Variants in TAF15 observed in about 807,000 individuals in gnomAD.
The protein encoded by TAF15 is TATA-box binding protein associated factor 15.
Under a neutral mutation model 102.5 loss-of-function variants are expected in TAF15, and 37 were observed. The ratio of observed to expected loss-of-function variants is 0.36; its 90% confidence interval spans 0.28 to 0.47. The LOEUF is 0.47. Ranked by LOEUF, TAF15 falls within the 20% of genes least tolerant of loss-of-function variation. The pLI is 0.99. For synonymous variants in TAF15, 273 were observed against 259.2 expected (o/e 1.05, Z -0.51); for missense variants, 652 against 760.7 (o/e 0.86, Z 1.68).
At chr17:35,828,095 C>T (rs2087352884) in intron 7 of TAF15, among the ~76,000 whole-genome samples, 1 of 152,112 alleles carries the variant, frequency 6.6e-6, no homozygotes, top group Non-Finnish European at 1.5e-5. Context: ...ATTAGTATGC[C>T]ATCAAATTTA....
intron 7 of TAF15, 118 bp from the exon 8 acceptor site, chr17:35,833,789 A>G: frequency 1.1e-6 from 1 of 935,540 alleles, no homozygotes. Context: ...CTGAAAACTT[A>G]GAGGTGCTAC....
At chr17:35,841,866 T>TA (rs1428482813) in intron 11 of TAF15, among the ~76,000 whole-genome samples, 51 of 152,220 alleles carry the variant, frequency 3.4e-4, no homozygotes, top group African/African-American at 1.2e-3. Context: ...CCTAGCTAAT[T>TA]AAAAAAATTT....
At chr17:35,810,254 G>T (rs1486368067) in intron 1 of TAF15, 1 of 157,556 alleles carries the variant, frequency 6.3e-6, no homozygotes, top group Non-Finnish European at 1.4e-5. Flanking sequence ...GTTTGAAAGT[G>T]AGCCTTGTCT....
chr17:35,839,834 G>A (rs1393859236), intron 11 of TAF15, among the ~76,000 whole-genome samples: 1 of 151,756 alleles, frequency 6.6e-6, no homozygotes. Context: ...TTTGTCTTAC[G>A]GTATTTTTCA....
intron 9 of TAF15, 99 bp downstream of exon 9, chr17:35,834,697 A>G (rs1173131579): frequency 1.8e-6 from 2 of 1,098,528 alleles, no homozygotes; most frequent in Non-Finnish European, 2.7e-6. Context: ...TACAGGAGGA[A>G]GATTTAATTT....
chr17:35,838,267 T>C (rs558342995), intron 10 of TAF15, among the ~76,000 whole-genome samples, 157 bp from the exon 11 acceptor site: 4 of 152,262 alleles, frequency 2.6e-5, no homozygotes, highest in African/African-American at 7.2e-5. Flanking sequence ...TAGAGAGTTA[T>C]GCTTGTCTAA....
chr17:35,836,470 T>C (rs2087476403), intron 10 of TAF15, among the ~76,000 whole-genome samples: 1 of 152,334 alleles, frequency 6.6e-6, no homozygotes, highest in African/African-American at 2.4e-5. Flanking sequence ...GCTTCCATCT[T>C]AGGACTCTAA....
intron 1 of TAF15, chr17:35,809,960 C>T (rs1598511733): frequency 2.6e-6 from 1 of 377,766 alleles, no homozygotes; most frequent in African/African-American, 2.1e-5. Context: ...CGCTCCGCCT[C>T]GGATCTTTCA....
In TAF15 at chr17:35,845,419, C is replaced by G. The variant is rs542446282; in HGVS notation, c.1739+381C>G. ...ATAGGTGTGTGCCACCACACCTCGC[C>G]AATTTTTTTTATTTTCTGTAGAGAC... On this transcript the variant is annotated intron_variant, in intron 15 of 15. Coordinates refer to ENST00000605844, the MANE Select transcript of TAF15 (RefSeq NM_139215.3). 2.6e-5 allele frequency among the ~76,000 whole-genome samples: 4 copies of G among 152,046 alleles called. No homozygotes were observed. The South Asian group carries it at 8.3e-4, about 32-fold the overall frequency.
At chr17:35,826,408 C>G (rs1206334965) in intron 7 of TAF15, among the ~76,000 whole-genome samples, 1 of 152,084 alleles carries the variant, frequency 6.6e-6, no homozygotes, top group Non-Finnish European at 1.5e-5. Flanking sequence ...AGTAAATGTT[C>G]TGGGTTTGGT....
intron 11 of TAF15, 51 bp from the exon 12 acceptor site, chr17:35,842,316 A>AG (rs1278070412): frequency 5.8e-6 from 8 of 1,369,734 alleles, no homozygotes; most frequent in Non-Finnish European, 7.3e-6. Context: ...TTTTGTTGAC[A>AG]GGTGGAGGTA....
At chr17:35,845,126 C>T (rs1242671875) in intron 15 of TAF15, 88 bp downstream of exon 15, 13 of 1,524,272 alleles carry the variant, frequency 8.5e-6, no homozygotes, top group African/African-American at 1.4e-5. Context: ...TTTTTTGGAA[C>T]TTGAATTTCC....
intron 1 of TAF15, among the ~76,000 whole-genome samples, chr17:35,813,867 G>A (rs1002269761): frequency 6.6e-6 from 1 of 152,100 alleles, no homozygotes; most frequent in Non-Finnish European, 1.5e-5. Flanking sequence ...GAGAAAATAG[G>A]AAGCAGTGGT....
chr17:35,844,682 C>CGGCTATGGTGGAGACAGAAGTGGGGGT lies in TAF15; in HGVS notation c.1394_1395insAGACAGAAGTGGGGGTGGCTATGGTGG (p.Arg467_Gly468insSerGlyGlyGlyTyrGlyGlyAspArg). On this transcript the variant is annotated inframe_insertion, in exon 15 of 16. Transcript: ENST00000605844. ...GTGGCTATGGTGGGGACAGAGGCGGCGGCTATGGTGGGGACAGAGGAGGCG... is the reference window on the plus strand; with the variant it reads ...GTGGCTATGGTGGGGACAGAGGCGGCGGCTATGGTGGAGACAGAAGTGGGGGTGGCTATGGTGGGGACAGAGGAGGCG... The CGGCTATGGTGGAGACAGAAGTGGGGGT allele has an allele frequency of 6.3e-7, 1 of 1,594,782 alleles. No homozygotes were observed. Among genetic ancestry groups the CGGCTATGGTGGAGACAGAAGTGGGGGT allele is most frequent in the Non-Finnish European group, 8.5e-7 (1 of 1,171,750 alleles).
chr17:35,835,039 C>T (rs777595867), intron 9 of TAF15, among the ~76,000 whole-genome samples: 4 of 151,652 alleles, frequency 2.6e-5, no homozygotes, highest in Admixed American at 1.3e-4. Context: ...CCACCACGCC[C>T]GGCTGGGGAG....
At chr17:35,832,812 C>G (rs192289838) in intron 7 of TAF15, among the ~76,000 whole-genome samples, 41 of 152,150 alleles carry the variant, frequency 2.7e-4, no homozygotes, top group African/African-American at 7.7e-4. Context: ...AGATTTCTTA[C>G]GTAAAGCCAT....
At chr17:35,816,563 TTGAG>T (rs1329484274) in intron 1 of TAF15, among the ~76,000 whole-genome samples, 2 of 152,190 alleles carry the variant, frequency 1.3e-5, no homozygotes, top group Non-Finnish European at 2.9e-5. Flanking sequence ...TTGTTTCAAA[TTGAG>T]TGAGGTTGGG....
chr17:35,831,334 G>T (rs948697794), intron 7 of TAF15, among the ~76,000 whole-genome samples: 10 of 151,636 alleles, frequency 6.6e-5, no homozygotes, highest in Middle Eastern at 3.4e-3. Context: ...GGGAACCCAG[G>T]AGGCGGAGCT....
At chr17:35,832,036 C>G (rs1004071571) in intron 7 of TAF15, among the ~76,000 whole-genome samples, 1 of 152,128 alleles carries the variant, frequency 6.6e-6, no homozygotes, top group Non-Finnish European at 1.5e-5. Flanking sequence ...CAAGATTGCG[C>G]CACTGCACTT....
Sources: allele counts gnomAD v4.1 joint callset (sites outside exome capture counted in the v4.1 genomes callset), GRCh38; gene constraint gnomAD v4.1.1; transcripts MANE v1.5; gene names NCBI Gene and HGNC (gene_info 2026-07-23, HGNC 2026-07-21).